TRHDE: variants seen among roughly 807,000 people sequenced by gnomAD.
TRHDE encodes thyrotropin-releasing hormone-degrading ectoenzyme.
TRHDE carries 72 observed loss-of-function variants against 125.7 expected under a neutral mutation model. That is an observed-to-expected ratio of 0.57 (90% CI 0.47 to 0.70). The LOEUF (loss-of-function observed/expected upper bound fraction) is 0.70. Among genes scored for constraint, TRHDE ranks in the 30% least tolerant of loss-of-function variants. The probability of loss-of-function intolerance (pLI) is 0.00; values close to 1 mark genes in which losing one functional copy is unlikely to be tolerated. For missense variants in TRHDE, 1,110 were observed against 1,327.1 expected (o/e 0.84, Z 2.54); for synonymous variants, 509 against 509.1 (o/e 1.00, Z 0.00).
chr12:72,338,998 A>G (rs182281005), intron 2 of TRHDE, among the ~76,000 whole-genome samples: 1 of 152,274 alleles, frequency 6.6e-6, no homozygotes, highest in East Asian at 1.9e-4. Context: ...CAGTAGAAGA[A>G]TATTTCTTAA....
intron 2 of TRHDE, among the ~76,000 whole-genome samples, chr12:72,360,386 G>C (rs1010948355): frequency 9.2e-5 from 14 of 151,704 alleles, no homozygotes; most frequent in African/African-American, 3.1e-4. Flanking sequence ...ATAAGAAAAA[G>C]ATAAATGATC....
At chr12:72,493,146 ATTTG>A (rs1877758704) in intron 5 of TRHDE, among the ~76,000 whole-genome samples, 1 of 151,942 alleles carries the variant, frequency 6.6e-6, no homozygotes, top group South Asian at 2.1e-4. Flanking sequence ...CAGACATTCT[ATTTG>A]TTTGATTCCA....
intron 15 of TRHDE, among the ~76,000 whole-genome samples, chr12:72,633,361 A>C (rs963536533): frequency 6.6e-6 from 1 of 152,106 alleles, no homozygotes; most frequent in Non-Finnish European, 1.5e-5. Context: ...GAACATATTC[A>C]GATAATTTTA....
chr12:72,623,860 A>G (rs1873153341), intron 15 of TRHDE, among the ~76,000 whole-genome samples: 1 of 152,090 alleles, frequency 6.6e-6, no homozygotes, highest in Non-Finnish European at 1.5e-5. Flanking sequence ...AACTTGAACA[A>G]TTCATCAGCT....
At chr12:72,317,821 C>T (rs1171257248) in intron 2 of TRHDE, among the ~76,000 whole-genome samples, 2 of 151,850 alleles carry the variant, frequency 1.3e-5, no homozygotes, top group African/African-American at 2.4e-5. Context: ...CAATGGCATG[C>T]GTAAAGGTAT....
intron 2 of TRHDE, among the ~76,000 whole-genome samples, chr12:72,314,443 G>T (rs1868703520): frequency 6.6e-6 from 1 of 150,858 alleles, no homozygotes; most frequent in Non-Finnish European, 1.5e-5. Context: ...AATAAACTGA[G>T]AATGAACCAT....
chr12:72,525,599 GTT>G (rs1491362240), intron 6 of TRHDE, among the ~76,000 whole-genome samples: 1 of 90,960 alleles, frequency 1.1e-5, no homozygotes, highest in Non-Finnish European at 2.1e-5. Context: ...TTTGTGTGTG[GTT>G]TGTGTGTGTG....
intron 2 of TRHDE, among the ~76,000 whole-genome samples, chr12:72,318,501 C>T (rs1868917342): frequency 2.6e-5 from 4 of 152,100 alleles, no homozygotes; most frequent in Admixed American, 2.6e-4. Flanking sequence ...GGTCTCAGTT[C>T]ATCACAGTCA....
chr12:72,455,128 T>C (rs769136202), intron 3 of TRHDE, among the ~76,000 whole-genome samples: 2 of 152,156 alleles, frequency 1.3e-5, no homozygotes, highest in Non-Finnish European at 2.9e-5. Flanking sequence ...TCAGAGTCAA[T>C]GGTGATCTCA....
At chr12:72,487,715 G>A (rs1877478304) in intron 5 of TRHDE, among the ~76,000 whole-genome samples, 1 of 152,030 alleles carries the variant, frequency 6.6e-6, no homozygotes, top group Admixed American at 6.5e-5. Context: ...TACTGGTAGA[G>A]GTAAATGTAT....
chr12:72,562,631 G>A (rs1354980496), intron 8 of TRHDE, among the ~76,000 whole-genome samples: 1 of 151,912 alleles, frequency 6.6e-6, no homozygotes, highest in Non-Finnish European at 1.5e-5. Flanking sequence ...TTTATGTTAT[G>A]TAAAAACTTT....
chr12:72,461,110 G>T (rs1030289634), intron 3 of TRHDE, among the ~76,000 whole-genome samples: 2 of 152,158 alleles, frequency 1.3e-5, no homozygotes, highest in Non-Finnish European at 2.9e-5. Flanking sequence ...CTAGAAGTTC[G>T]AGAACTTGTA....
chr12:72,623,610 CAAGTAAGAACT>C (rs1873139091), intron 15 of TRHDE, among the ~76,000 whole-genome samples: 1 of 151,810 alleles, frequency 6.6e-6, no homozygotes, highest in Non-Finnish European at 1.5e-5. Context: ...GTTTTATTTT[CAAGTAAGAACT>C]AAGTACAAGA....
chr12:72,210,171 GATCTATCTATCTATCT>G (rs3086840), intron 2 of TRHDE, among the ~76,000 whole-genome samples: 2 of 146,428 alleles, frequency 1.4e-5, no homozygotes, highest in South Asian at 4.4e-4. Flanking sequence ...CTATAAGATT[GATCTATCTATCTATCT>G]ATCTATCTAT....
intron 2 of TRHDE, among the ~76,000 whole-genome samples, chr12:72,206,465 G>A (rs764236931): frequency 7.2e-5 from 11 of 152,260 alleles, no homozygotes; most frequent in Non-Finnish European, 1.3e-4. Context: ...ACTAATCATA[G>A]AGTAGAAACT....
intron 2 of TRHDE, among the ~76,000 whole-genome samples, chr12:72,215,378 G>A (rs1877866466): frequency 6.6e-6 from 1 of 152,164 alleles, no homozygotes; most frequent in Non-Finnish European, 1.5e-5. Context: ...TGATTCTTCA[G>A]TTACTTCAGG....
intron 2 of TRHDE, among the ~76,000 whole-genome samples, chr12:72,180,026 G>A (rs1414940303): frequency 6.6e-6 from 1 of 151,594 alleles, no homozygotes; most frequent in African/African-American, 2.4e-5. Flanking sequence ...TTAATAATTA[G>A]TAATTGATAT....
At chr12:72,210,891 A>G (rs1208253352) in intron 2 of TRHDE, among the ~76,000 whole-genome samples, 2 of 152,198 alleles carry the variant, frequency 1.3e-5, no homozygotes, top group Non-Finnish European at 2.9e-5. Context: ...ATTCATACAC[A>G]TAGTGCCTAA....
At chr12:72,276,675 G>A (rs1432463995) in intron 1 of TRHDE, among the ~76,000 whole-genome samples, 1 of 152,114 alleles carries the variant, frequency 6.6e-6, no homozygotes, top group Non-Finnish European at 1.5e-5. Flanking sequence ...GTTAGAAGAC[G>A]AGCTCCCTCT....
Sources: allele counts gnomAD v4.1 joint callset (sites outside exome capture counted in the v4.1 genomes callset), GRCh38; gene constraint gnomAD v4.1.1; transcripts MANE v1.5; gene names NCBI Gene and HGNC (gene_info 2026-07-23, HGNC 2026-07-21).